Variants in PPM1E observed in about 807,000 individuals in gnomAD.
The protein encoded by PPM1E is protein phosphatase 1E.
Under a neutral mutation model 65.9 loss-of-function variants are expected in PPM1E, and 20 were observed. That is an observed-to-expected ratio of 0.30 (90% CI 0.21 to 0.44). The LOEUF is 0.44. Ranked by LOEUF, PPM1E falls within the 20% of genes least tolerant of loss-of-function variation. The pLI is 1.00. For missense variants in PPM1E, 713 were observed against 953.1 expected (o/e 0.75, Z 3.32); for synonymous variants, 352 against 374.9 (o/e 0.94, Z 0.70).
At chr17:58,764,935 A>G (rs2049858355) in intron 1 of PPM1E, among the ~76,000 whole-genome samples, 1 of 151,774 alleles carries the variant, frequency 6.6e-6, no homozygotes, top group Non-Finnish European at 1.5e-5. Context: ...GCCTATTATC[A>G]TCATCATCTT....
chr17:58,897,241 C>T (rs1375588895), intron 1 of PPM1E, among the ~76,000 whole-genome samples: 2 of 151,794 alleles, frequency 1.3e-5, no homozygotes, highest in African/African-American at 4.8e-5. Flanking sequence ...GGTGAAACCC[C>T]GTATTTACTA....
At chr17:58,937,892 A>AAAAAAAAAAAAAAAAAAG (rs57965915) in intron 1 of PPM1E, among the ~76,000 whole-genome samples, 6 of 129,770 alleles carry the variant, frequency 4.6e-5, no homozygotes, top group South Asian at 2.4e-4. Flanking sequence ...AAAAAAAAAA[A>AAAAAAAAAAAAAAAAAAG]AAAGAAAGAA....
At chr17:58,818,568 C>T (rs2050449443) in intron 1 of PPM1E, among the ~76,000 whole-genome samples, 1 of 152,074 alleles carries the variant, frequency 6.6e-6, no homozygotes, top group Non-Finnish European at 1.5e-5. Flanking sequence ...CATATATAAG[C>T]TTTACTTAGT....
chr17:58,854,339 G>T (rs1315199177), intron 1 of PPM1E, among the ~76,000 whole-genome samples: 1 of 152,050 alleles, frequency 6.6e-6, no homozygotes, highest in African/African-American at 2.4e-5. Flanking sequence ...TCTACATATA[G>T]GATCACGTTA....
intron 1 of PPM1E, among the ~76,000 whole-genome samples, chr17:58,935,533 ATG>A (rs2051967910): frequency 6.6e-6 from 1 of 152,204 alleles, no homozygotes; most frequent in Non-Finnish European, 1.5e-5. Context: ...AAGGTCACTT[ATG>A]TGATGTTGAC....
intron 1 of PPM1E, among the ~76,000 whole-genome samples, chr17:58,857,702 C>T (rs983134700): frequency 1.3e-5 from 2 of 152,008 alleles, no homozygotes; most frequent in African/African-American, 4.8e-5. Flanking sequence ...CTTTGAAGCT[C>T]TCTGGTAAAA....
intron 1 of PPM1E, among the ~76,000 whole-genome samples, chr17:58,952,566 C>T (rs557966588): frequency 3.9e-5 from 6 of 152,308 alleles, no homozygotes; most frequent in Admixed American, 3.3e-4. Flanking sequence ...CTGGCAGTGG[C>T]TCACAGAGCT....
At chr17:58,870,244 C>T (rs1163998420) in intron 1 of PPM1E, among the ~76,000 whole-genome samples, 1 of 152,140 alleles carries the variant, frequency 6.6e-6, no homozygotes, top group Non-Finnish European at 1.5e-5. Flanking sequence ...TTATTTTAGA[C>T]AATTTTTTCA....
intron 1 of PPM1E, among the ~76,000 whole-genome samples, chr17:58,884,662 A>T (rs1263784839): frequency 6.6e-6 from 1 of 152,174 alleles, no homozygotes; most frequent in African/African-American, 2.4e-5. Flanking sequence ...GAGTTATAGC[A>T]CCAGACTGCT....
chr17:58,785,481 TATATATATAG>T (rs2050091269), intron 1 of PPM1E: 2 of 113,868 alleles, frequency 1.8e-5, no homozygotes, highest in African/African-American at 5.9e-5. Context: ...TATATATATA[TATATATATAG>T]TAGAACCAGG....
chr17:58,909,924 CT>C (rs35833275), intron 1 of PPM1E, among the ~76,000 whole-genome samples: 2,905 of 89,904 alleles, frequency 0.032, 21 homozygotes, highest in African/African-American at 0.083. Context: ...TTTTCTTTTT[CT>C]TTTTTTTTTT....
intron 1 of PPM1E, among the ~76,000 whole-genome samples, chr17:58,947,260 A>T (rs1233308656): frequency 9.7e-6 from 1 of 102,900 alleles, no homozygotes; most frequent in Non-Finnish European, 1.8e-5. Flanking sequence ...TTTTTTTGAG[A>T]CAGTCTTGCT....
At chr17:58,848,389 G>A (rs569716657) in intron 1 of PPM1E, among the ~76,000 whole-genome samples, 1 of 152,212 alleles carries the variant, frequency 6.6e-6, no homozygotes, top group Non-Finnish European at 1.5e-5. Context: ...TTGCCCATTA[G>A]TATGATATTG....
chr17:58,843,053 G>C (rs533530113), intron 1 of PPM1E, among the ~76,000 whole-genome samples: 35 of 152,078 alleles, frequency 2.3e-4, no homozygotes, highest in African/African-American at 8.5e-4. Context: ...TTGGGATACC[G>C]AGGCAGGCAG....
chr17:58,777,564 A>G (rs1317995451), intron 1 of PPM1E, among the ~76,000 whole-genome samples: 1 of 152,176 alleles, frequency 6.6e-6, no homozygotes, highest in Admixed American at 6.6e-5. Flanking sequence ...TAAACTGAAG[A>G]TTTGATTGTT....
intron 1 of PPM1E, among the ~76,000 whole-genome samples, chr17:58,912,713 A>T (rs952124593): frequency 1.2e-4 from 19 of 152,144 alleles, no homozygotes; most frequent in African/African-American, 4.6e-4. Flanking sequence ...TAGCCTCAGG[A>T]TGGGGGTGCT....
At chr17:58,946,290 G>A (rs1400699759) in intron 1 of PPM1E, among the ~76,000 whole-genome samples, 6 of 152,128 alleles carry the variant, frequency 3.9e-5, no homozygotes, top group Non-Finnish European at 8.8e-5. Flanking sequence ...CAAGGCGGAG[G>A]ACAAATATTT....
chr17:58,840,002 C>T (rs1236613567), intron 1 of PPM1E, among the ~76,000 whole-genome samples: 1 of 152,170 alleles, frequency 6.6e-6, no homozygotes, highest in African/African-American at 2.4e-5. Flanking sequence ...GAGGTACTCA[C>T]AGAACTCACT....
At chr17:58,854,358 G>T (rs1286260265) in intron 1 of PPM1E, among the ~76,000 whole-genome samples, 1 of 152,108 alleles carries the variant, frequency 6.6e-6, no homozygotes, top group African/African-American at 2.4e-5. Flanking sequence ...TATCTGTAAA[G>T]AGATAATTTT....
Sources: allele counts gnomAD v4.1 joint callset (sites outside exome capture counted in the v4.1 genomes callset), GRCh38; gene constraint gnomAD v4.1.1; transcripts MANE v1.5; gene names NCBI Gene and HGNC (gene_info 2026-07-23, HGNC 2026-07-21).